The following UMAD1 variants were observed in gnomAD, a reference collection of about 807,000 sequenced individuals.
UMAD1 encodes UBAP1-MVB12-associated (UMA)-domain containing protein 1.
Under a neutral mutation model 6.1 loss-of-function variants are expected in UMAD1, and 8 were observed. The observed-to-expected ratio is 1.30, with a 90% CI of 0.76 to 2.35. The LOEUF (loss-of-function observed/expected upper bound fraction) is 2.35, where lower values mean the gene tolerates loss of function less well. UMAD1 is among the 30% of genes most tolerant of loss of function. UMAD1 has a pLI of 0.00. For missense variants in UMAD1, 130 were observed against 78.4 expected (o/e 1.66, Z -2.49); for synonymous variants, 56 against 31.4 (o/e 1.78, Z -2.61).
intron 2 of UMAD1, among the ~76,000 whole-genome samples, chr7:7,733,121 G>T (rs1236141994): frequency 6.6e-6 from 1 of 152,116 alleles, no homozygotes; most frequent in Non-Finnish European, 1.5e-5. Flanking sequence ...TTGTAATCTC[G>T]TATTGTTTTT....
intron 2 of UMAD1, among the ~76,000 whole-genome samples, chr7:7,766,770 T>G (rs1449147599): frequency 6.6e-6 from 1 of 152,230 alleles, no homozygotes; most frequent in Non-Finnish European, 1.5e-5. Context: ...TGTGTACTTG[T>G]TTATCTAAGA....
At chr7:7,842,803 A>G (rs916466050) in intron 3 of UMAD1, among the ~76,000 whole-genome samples, 1 of 152,164 alleles carries the variant, frequency 6.6e-6, no homozygotes, top group African/African-American at 2.4e-5. Context: ...TTCAATAAAT[A>G]TTTAAGCACC....
chr7:7,769,911 T>C (rs965756375), intron 2 of UMAD1, among the ~76,000 whole-genome samples: 3 of 152,196 alleles, frequency 2.0e-5, no homozygotes, highest in Admixed American at 6.5e-5. Flanking sequence ...CTTCTCCTGC[T>C]CACCACCTTT....
rs1782983131 is a variant in UMAD1, at chr7:7,809,479, CTTACAATGTGAAATGA to C, written c.156+7740_156+7755del. On this transcript the variant is annotated intron_variant, in intron 3 of 3. Coordinates refer to ENST00000682710, the MANE Select transcript of UMAD1 (RefSeq NM_001302348.2). ...GTACGGTGTGATGTTTTGACACATG[CTTACAATGTGAAATGA>C]TTAAATCAGGCTAATTAACAAATCT... Among the ~76,000 whole-genome samples, 3 of 152,042 alleles carry C rather than the reference CTTACAATGTGAAATGA, an allele frequency of 2.0e-5. No homozygotes were observed. In the South Asian group the frequency reaches 6.2e-4, roughly 32 times the overall value.
chr7:7,725,893 C>T (rs959850631), intron 2 of UMAD1, among the ~76,000 whole-genome samples: 3 of 152,218 alleles, frequency 2.0e-5, no homozygotes, highest in Non-Finnish European at 4.4e-5. Context: ...GATATGCAGG[C>T]ACCACCTGAA....
chr7:7,689,722 G>A (rs1460445217), intron 2 of UMAD1, among the ~76,000 whole-genome samples: 2 of 152,014 alleles, frequency 1.3e-5, no homozygotes, highest in African/African-American at 2.4e-5. Context: ...CAAAACAATT[G>A]GAAATAGTCT....
intron 2 of UMAD1, among the ~76,000 whole-genome samples, chr7:7,794,741 T>A (rs1782639578): frequency 6.6e-6 from 1 of 152,206 alleles, no homozygotes; most frequent in Non-Finnish European, 1.5e-5. Context: ...TGACATACGT[T>A]GAAATGGCCC....
At chr7:7,859,065 G>C (rs1178586737) in intron 3 of UMAD1, among the ~76,000 whole-genome samples, 1 of 152,128 alleles carries the variant, frequency 6.6e-6, no homozygotes, top group Non-Finnish European at 1.5e-5. Flanking sequence ...CCAGAGTTCA[G>C]CTCCTCCAAA....
chr7:7,774,008 C>A (rs980473668), intron 2 of UMAD1, among the ~76,000 whole-genome samples: 1 of 152,298 alleles, frequency 6.6e-6, no homozygotes, highest in East Asian at 1.9e-4. Flanking sequence ...TCACCACAGA[C>A]CCTAAGAAAA....
intron 1 of UMAD1, among the ~76,000 whole-genome samples, chr7:7,642,316 TTG>T (rs1554307558): frequency 2.0e-5 from 3 of 150,448 alleles, no homozygotes; most frequent in Admixed American, 2.0e-4. Flanking sequence ...GATTTTTTTT[TTG>T]TTGTTTGTTT....
At chr7:7,784,120 C>T (rs925749898) in intron 2 of UMAD1, among the ~76,000 whole-genome samples, 1 of 150,752 alleles carries the variant, frequency 6.6e-6, no homozygotes, top group East Asian at 2.0e-4. Flanking sequence ...TGTAGACAGA[C>T]TTTAGTTTAA....
At chr7:7,817,235 C>T (rs1248962968) in intron 3 of UMAD1, among the ~76,000 whole-genome samples, 1 of 152,174 alleles carries the variant, frequency 6.6e-6, no homozygotes, top group African/African-American at 2.4e-5. Context: ...TTTAGTCTCC[C>T]CTCTGGTCCC....
chr7:7,783,597 A>G (rs1487820215), intron 2 of UMAD1, among the ~76,000 whole-genome samples: 3 of 152,210 alleles, frequency 2.0e-5, no homozygotes, highest in Non-Finnish European at 2.9e-5. Context: ...TCCAGGTCTT[A>G]ACTACCAAGA....
rs115509226 is a variant in UMAD1 at position 7,809,334 on chromosome 7, A to G, written c.156+7591A>G. On this transcript the variant is annotated intron_variant, in intron 3 of 3. Coordinates refer to ENST00000682710, the MANE Select transcript of UMAD1 (RefSeq NM_001302348.2). ...GCTAGGTATGGAAGCTGCATTGTAT[A>G]TGAAGCTGCATTATAGAATTCATAG... 2.9e-3 allele frequency among the ~76,000 whole-genome samples: 443 copies of G among 152,160 alleles called. 3 individuals are homozygous for G. Among genetic ancestry groups the G allele is most frequent in the African/African-American group, 9.1e-3 (380 of 41,566 alleles).
chr7:7,721,259 G>C (rs895937004), intron 2 of UMAD1, among the ~76,000 whole-genome samples: 1 of 152,172 alleles, frequency 6.6e-6, no homozygotes, highest in Non-Finnish European at 1.5e-5. Context: ...TGCTATGGCA[G>C]CTTTAGGAAA....
chr7:7,761,867 C>A (rs1781896478), intron 2 of UMAD1, among the ~76,000 whole-genome samples: 3 of 152,154 alleles, frequency 2.0e-5, no homozygotes, highest in Non-Finnish European at 4.4e-5. Flanking sequence ...TGTATCTTTT[C>A]TTTCTATTCT....
intron 3 of UMAD1, among the ~76,000 whole-genome samples, chr7:7,803,865 A>G (rs2115276768): frequency 6.6e-6 from 1 of 152,258 alleles, no homozygotes; most frequent in East Asian, 1.9e-4. Flanking sequence ...CGAATTTTGG[A>G]GGGACACAAA....
chr7:7,730,412 G>A (rs1781224464), intron 2 of UMAD1, among the ~76,000 whole-genome samples: 1 of 152,170 alleles, frequency 6.6e-6, no homozygotes, highest in African/African-American at 2.4e-5. Flanking sequence ...TGATGGACAT[G>A]TTTGCTGCTT....
At chr7:7,847,096 AAAAAAAAAATATATATATATATAT>A (rs1783805872) in intron 3 of UMAD1, among the ~76,000 whole-genome samples, 2 of 50,064 alleles carry the variant, frequency 4.0e-5, no homozygotes, top group African/African-American at 1.4e-4. Context: ...GCAAAAAAAA[AAAAAAAAAATATATATATATATAT>A]ATATATATAT....
Sources: gnomAD v4.1 joint callset for allele counts (sites outside exome capture counted in the v4.1 genomes callset) on GRCh38, gnomAD v4.1.1 for gene constraint, MANE v1.5 for transcripts, NCBI Gene and HGNC (gene_info 2026-07-23, HGNC 2026-07-21) for gene names.